Variants in PAPPA2 observed in about 807,000 individuals in gnomAD.
PAPPA2 encodes the protein pappalysin-2.
A neutral mutation model predicts 176.4 loss-of-function variants in PAPPA2; 86 were observed. The observed-to-expected ratio is 0.49, with a 90% CI of 0.41 to 0.58. The LOEUF (loss-of-function observed/expected upper bound fraction) is 0.58, where lower values mean the gene tolerates loss of function less well. Ranked by LOEUF, PAPPA2 falls within the 20% of genes least tolerant of loss-of-function variation. PAPPA2 has a pLI of 0.00. For synonymous variants in PAPPA2, 809 were observed against 852.2 expected, an observed-to-expected ratio of 0.95 and a Z score of 0.88; for missense variants, 2,073 against 2,256.9, an observed-to-expected ratio of 0.92 and a Z score of 1.65.
intron 4 of PAPPA2, among the ~76,000 whole-genome samples, chr1:176,677,474 A>C (rs1659359533): frequency 6.6e-6 from 1 of 152,208 alleles, no homozygotes; most frequent in African/African-American, 2.4e-5. Context: ...CTGTGTTAAC[A>C]CAAAGAAAAA....
intron 1 of PAPPA2, among the ~76,000 whole-genome samples, chr1:176,546,641 C>T (rs1290635484): frequency 2.0e-5 from 3 of 152,138 alleles, no homozygotes; most frequent in Admixed American, 1.3e-4. Context: ...AAAGAGAATG[C>T]ACGACAGTTG....
At chr1:176,772,551 G>T (rs113065918) in intron 17 of PAPPA2, among the ~76,000 whole-genome samples, 12 of 152,264 alleles carry the variant, frequency 7.9e-5, no homozygotes, top group African/African-American at 2.9e-4. Context: ...AAAGGCCCAG[G>T]CTCATATGTG....
intron 2 of PAPPA2, among the ~76,000 whole-genome samples, chr1:176,579,612 C>G (rs987764660): frequency 3.9e-5 from 6 of 152,230 alleles, no homozygotes; most frequent in Non-Finnish European, 5.9e-5. Context: ...TAATGTCACA[C>G]TCACCAGCCC....
At chr1:176,717,646 G>A (rs1661438261) in intron 12 of PAPPA2, among the ~76,000 whole-genome samples, 1 of 152,220 alleles carries the variant, frequency 6.6e-6, no homozygotes, top group Non-Finnish European at 1.5e-5. Flanking sequence ...CCTTGGCTAA[G>A]CCCCAGTTTG....
chr1:176,485,332 T>C (rs1210508075), intron 1 of PAPPA2, among the ~76,000 whole-genome samples: 1 of 152,122 alleles, frequency 6.6e-6, no homozygotes, highest in East Asian at 1.9e-4. Context: ...TCATCTTTTT[T>C]CTTCTGTGTC....
chr1:176,817,147 G>T (rs1666439317), intron 21 of PAPPA2, among the ~76,000 whole-genome samples: 1 of 152,082 alleles, frequency 6.6e-6, no homozygotes, highest in African/African-American at 2.4e-5. Context: ...GTGAGCATGG[G>T]ACATAAATTT....
chr1:176,657,892 T>C (rs1253429148), intron 3 of PAPPA2, among the ~76,000 whole-genome samples: 1 of 151,976 alleles, frequency 6.6e-6, no homozygotes, highest in African/African-American at 2.4e-5. Flanking sequence ...CAGGATAATA[T>C]CAGTGAACCT....
intron 12 of PAPPA2, among the ~76,000 whole-genome samples, chr1:176,733,700 A>G (rs1301421795): frequency 1.3e-5 from 2 of 152,118 alleles, no homozygotes; most frequent in Non-Finnish European, 2.9e-5. Context: ...TATGTTCCAT[A>G]ACACCTTTTC....
intron 2 of PAPPA2, among the ~76,000 whole-genome samples, chr1:176,577,859 T>C (rs919022743): frequency 7.2e-5 from 11 of 152,118 alleles, no homozygotes; most frequent in Admixed American, 6.5e-5. Context: ...TTGCTCATTT[T>C]CCTCCTAAAA....
At chr1:176,530,661 G>A (rs1186187960) in intron 1 of PAPPA2, among the ~76,000 whole-genome samples, 1 of 152,036 alleles carries the variant, frequency 6.6e-6, no homozygotes, top group Non-Finnish European at 1.5e-5. Context: ...GTAGAAAGAA[G>A]CTGAGACTAA....
intron 12 of PAPPA2, among the ~76,000 whole-genome samples, chr1:176,728,905 C>T (rs1662002336): frequency 6.6e-6 from 1 of 151,694 alleles, no homozygotes; most frequent in Admixed American, 6.6e-5. Flanking sequence ...ATATTGTTGC[C>T]CAAACCCGAT....
At chr1:176,600,642 C>CTCCA (rs1365338073) in intron 3 of PAPPA2, among the ~76,000 whole-genome samples, 2 of 142,102 alleles carry the variant, frequency 1.4e-5, no homozygotes, top group Non-Finnish European at 3.0e-5. Context: ...CGCCACTGCA[C>CTCCA]TCCAGCCTGG....
At chr1:176,611,891 A>G (rs1654946886) in intron 3 of PAPPA2, among the ~76,000 whole-genome samples, 1 of 152,142 alleles carries the variant, frequency 6.6e-6, no homozygotes, top group Non-Finnish European at 1.5e-5. Context: ...ACTCATCTGA[A>G]TTTTATTTCC....
chr1:176,483,400 G>A (rs1652497678), intron 1 of PAPPA2, among the ~76,000 whole-genome samples: 2 of 151,650 alleles, frequency 1.3e-5, no homozygotes, highest in Admixed American at 6.6e-5. Context: ...TACTACTAGG[G>A]CCTAGGGAAA....
At chr1:176,691,211 T>C in intron 5 of PAPPA2, 1 of 962,788 alleles carries the variant, frequency 1.0e-6, no homozygotes, top group Non-Finnish European at 1.2e-6. Context: ...CCTAGTACAA[T>C]GGTGAAAGAA....
chr1:176,642,651 C>T (rs1207385960), intron 3 of PAPPA2, among the ~76,000 whole-genome samples: 2 of 151,792 alleles, frequency 1.3e-5, no homozygotes, highest in Non-Finnish European at 2.9e-5. Flanking sequence ...AGATAATGAG[C>T]CCATGATATT....
rs771415361 is a variant in PAPPA2 at position 176,791,431 on chromosome 1, C to T, written c.4969C>T (p.Pro1657Ser). The T allele has an allele frequency of 1.9e-6, 3 of 1,613,696 alleles. No individual in the cohort carries two copies. The highest frequency in any genetic ancestry group is 1.6e-4 in the Middle Eastern group (1 of 6,062). ...ENLQGECPPPPSELNSVEYKC... is the reference protein window; with the variant it reads ...ENLQGECPPPSSELNSVEYKC... ...TCTGCAAGGAGAATGCCCACCACCC[C>T]CCTCAGAGCTGAATTCTGTGGAGTA... Residue 1657 changes from proline (P) to serine (S), a missense_variant, in exon 19 of 23, where the codon CCC (proline) becomes TCC (serine). Coordinates refer to ENST00000367662, the MANE Select transcript of PAPPA2 (RefSeq NM_020318.3).
At chr1:176,496,702 C>G (rs1647651191) in intron 1 of PAPPA2, among the ~76,000 whole-genome samples, 1 of 152,116 alleles carries the variant, frequency 6.6e-6, no homozygotes, top group Non-Finnish European at 1.5e-5. Context: ...CCACGGGAAT[C>G]TAGGAAGAGG....
Position 176,556,884 on chromosome 1 carries a change from C to T in PAPPA2, c.562C>T (p.Gln188Ter). Residue 188 changes from glutamine to a stop codon, truncating the protein, a stop_gained, in exon 2 of 23, where the codon CAA becomes TAA. Transcript: ENST00000367662. LOFTEE classifies it high-confidence loss of function. ...CCTGAACGAACCCAAACCAGAGACC[C>T]AAAGGAGGGGCTGGGCCAAGTCCAG... The part of the protein sequence containing the change: ...TTLNEPKPET[Q>*]RRGWAKSRQR... The T allele has an allele frequency of 6.2e-7, 1 of 1,614,098 alleles. No homozygotes were observed. The highest frequency in any genetic ancestry group is 8.5e-7 in the Non-Finnish European group (1 of 1,180,028).
Sources: allele counts gnomAD v4.1 joint callset (sites outside exome capture counted in the v4.1 genomes callset), GRCh38; gene constraint gnomAD v4.1.1; transcripts MANE v1.5; gene names NCBI Gene and HGNC (gene_info 2026-07-23, HGNC 2026-07-21).